TET2: variants seen among roughly 807,000 people sequenced by gnomAD.
The protein encoded by TET2 is tet methylcytosine dioxygenase 2, also known as methylcytosine dioxygenase TET2.
In TET2, 299 loss-of-function variants were observed where a neutral mutation model predicts 142.9. The ratio of observed to expected loss-of-function variants is 2.09; its 90% CI spans 1.90 to 2.30. The LOEUF is 2.30. TET2 is among the 30% of genes most tolerant of loss of function. TET2 has a pLI of 0.00. For missense variants in TET2, 2,418 were observed against 2,378.0 expected (o/e 1.02, Z -0.35); for synonymous variants, 819 against 849.0 (o/e 0.96, Z 0.61).
rs763952927 is a variant in TET2, at chr4:105,236,385, A to T, written c.2443A>T (p.Arg815Ter). The change falls in exon 3 of 11, where the codon AGA becomes TGA. Residue 815 changes from arginine to a stop codon, truncating the protein, a stop_gained. Transcript: ENST00000380013. LOFTEE classifies it high-confidence loss of function. ...GLEEVQNINR[R>*]NSPYSQTMKS... ...GGAGGAAGTACAGAATATAAATCGT[A>T]GAAATTCCCCTTATAGTCAGACCAT... 2 of 1,614,066 alleles carry T rather than the reference A, an allele frequency of 1.2e-6. No homozygotes were observed. Among genetic ancestry groups the T allele is most frequent in the Non-Finnish European group, 8.5e-7 (1 of 1,180,006 alleles).
intron 6 of TET2, among the ~76,000 whole-genome samples, chr4:105,257,462 TAGAC>T (rs1424550763): frequency 6.6e-6 from 1 of 152,180 alleles, no homozygotes; most frequent in African/African-American, 2.4e-5. Flanking sequence ...AGCTAAGGAT[TAGAC>T]AGAATTCCTT....
At position 105,275,068 on chromosome 4, in the gene TET2, C is replaced by G. The variant is rs1490245533; in HGVS notation, c.4558C>G (p.Pro1520Ala). 6.5e-6 allele frequency: 10 copies of G among 1,538,916 alleles called. No homozygotes were observed. Among genetic ancestry groups the G allele is most frequent in the Non-Finnish European group, 7.9e-6 (9 of 1,141,528 alleles). ...QLAELLRLSG[P>A]VMQQSQQPQP... ...CACAGAACTTTTGCGACTTTCAGGA[C>G]CAGTCATGCAGCAGTCCCAGCAGCC... Residue 1520 changes from proline (P) to alanine (A), a missense_variant, in exon 11 of 11, where the codon CCA becomes GCA. Transcript: ENST00000380013.
intron 6 of TET2, among the ~76,000 whole-genome samples, chr4:105,251,914 G>T (rs1264913210): frequency 2.0e-5 from 3 of 152,284 alleles, no homozygotes; most frequent in Admixed American, 6.5e-5. Flanking sequence ...AAAGCACATT[G>T]AATGAAAGGC....
At chr4:105,164,449 T>C (rs1263343015) in intron 1 of TET2, among the ~76,000 whole-genome samples, 1 of 152,178 alleles carries the variant, frequency 6.6e-6, no homozygotes, top group Non-Finnish European at 1.5e-5. Context: ...GTAACATAAA[T>C]AAAACATCCA....
At chr4:105,223,696 G>T (rs1428687037) in intron 2 of TET2, among the ~76,000 whole-genome samples, 2 of 152,076 alleles carry the variant, frequency 1.3e-5, no homozygotes, top group South Asian at 4.1e-4. Context: ...AATAGTTTTG[G>T]AGAATAATGC....
At chr4:105,215,376 T>A (rs7653959) in intron 2 of TET2, among the ~76,000 whole-genome samples, 150 of 152,310 alleles carry the variant, frequency 9.8e-4, no homozygotes, top group African/African-American at 3.4e-3. Context: ...CATGAAATAA[T>A]GTTCTAGAAA....
chr4:105,178,718 G>C (rs1724949665), intron 1 of TET2, among the ~76,000 whole-genome samples: 1 of 151,996 alleles, frequency 6.6e-6, no homozygotes. Context: ...CAATTTTACT[G>C]TAAAGTTTAT....
In TET2 at chr4:105,272,589, A is replaced by T; in HGVS notation, c.4208A>T (p.Asn1403Ile). ...GTATGCACTCTCACTAGAGAAGACA[A>T]TCGAGAATTTGGAGGAAAACCTGAG... The part of the protein sequence containing the change: ...TLVCTLTRED[N>I]REFGGKPEDE... Residue 1403 changes from asparagine (N) to isoleucine (I), a missense_variant, in exon 10 of 11, where the codon AAT (asparagine) becomes ATT (isoleucine). Coordinates refer to ENST00000380013, the MANE Select transcript of TET2 (RefSeq NM_001127208.3). 1 of 1,544,150 alleles carries T rather than the reference A, an allele frequency of 6.5e-7. No individual in the cohort carries two copies. Among genetic ancestry groups the T allele is most frequent in the Non-Finnish European group, 8.7e-7 (1 of 1,143,968 alleles).
intron 1 of TET2, among the ~76,000 whole-genome samples, chr4:105,166,755 T>C (rs911272205): frequency 6.6e-6 from 1 of 152,114 alleles, no homozygotes; most frequent in South Asian, 2.1e-4. Flanking sequence ...CTCTCAGAGC[T>C]TGGGAAACAT....
At chr4:105,156,191 A>G (rs1180014016) in intron 1 of TET2, among the ~76,000 whole-genome samples, 1 of 152,196 alleles carries the variant, frequency 6.6e-6, no homozygotes, top group Non-Finnish European at 1.5e-5. Flanking sequence ...CTGTTCTCGC[A>G]TATTAGGAAC....
At chr4:105,207,237 T>A (rs1390144060) in intron 2 of TET2, among the ~76,000 whole-genome samples, 1 of 152,178 alleles carries the variant, frequency 6.6e-6, no homozygotes, top group African/African-American at 2.4e-5. Flanking sequence ...AGATTTACTA[T>A]CTTGTGAGTT....
chr4:105,243,590 TGAAGA>T lies in TET2; in HGVS notation c.3620_3624del (p.Glu1207AlafsTer14). ...CGCAGGTGGTTCGCAGAAGCAGCAG[TGAAGA>T]GAAGCTACTGTGTTTGGTGCGGGAG... On this transcript the variant is annotated frameshift_variant, in exon 6 of 11. Coordinates refer to ENST00000380013, the MANE Select transcript of TET2 (RefSeq NM_001127208.3). LOFTEE classifies it high-confidence loss of function. The T allele has an allele frequency of 6.4e-7, 1 of 1,551,524 alleles. No individual in the cohort carries two copies. Among genetic ancestry groups the T allele is most frequent in the Non-Finnish European group, 8.7e-7 (1 of 1,146,930 alleles).
intron 6 of TET2, among the ~76,000 whole-genome samples, chr4:105,250,989 C>T (rs1344996864): frequency 6.6e-6 from 1 of 152,118 alleles, no homozygotes; most frequent in Non-Finnish European, 1.5e-5. Context: ...GCCTGTACTT[C>T]TGTTAAAATT....
intron 2 of TET2, among the ~76,000 whole-genome samples, chr4:105,213,977 G>T (rs1244952452): frequency 2.0e-5 from 3 of 152,022 alleles, no homozygotes; most frequent in Non-Finnish European, 4.4e-5. Context: ...TCCTGTCTCA[G>T]ACTCCCGAGT....
chr4:105,214,357 AGTGCAGTG>A (rs1182812008), intron 2 of TET2, among the ~76,000 whole-genome samples: 1 of 122,294 alleles, frequency 8.2e-6, no homozygotes, highest in African/African-American at 3.2e-5. Context: ...CCCAGGCTGG[AGTGCAGTG>A]GTGTGATCAT....
chr4:105,250,843 C>T (rs535570311), intron 6 of TET2, among the ~76,000 whole-genome samples: 1 of 151,940 alleles, frequency 6.6e-6, no homozygotes, highest in East Asian at 1.9e-4. Context: ...CCATGCCTGG[C>T]TAATTGTTTT....
rs1486803971 is a variant in TET2 at position 105,236,865 on chromosome 4, A to G, written c.2923A>G (p.Ser975Gly). The G allele has an allele frequency of 1.2e-6, 2 of 1,614,038 alleles. No individual in the cohort carries two copies. The change falls in exon 3 of 11, where the codon AGT becomes GGT. Residue 975 changes from serine (S) to glycine (G), a missense_variant. Ser to Gly is a moderately conservative substitution (Grantham distance 56). Coordinates refer to ENST00000380013, the MANE Select transcript of TET2 (RefSeq NM_001127208.3). ...GCAACCCCAAACTGAGTCTTGCCAT[A>G]GTCAGATGCACAGGCCAATTAAGGT... Reference protein sequence around the residue: ...TQQPQTESCHSQMHRPIKVEP... With the variant: ...TQQPQTESCHGQMHRPIKVEP...
chr4:105,249,988 G>A (rs1290181780), intron 6 of TET2, among the ~76,000 whole-genome samples: 3 of 152,144 alleles, frequency 2.0e-5, no homozygotes, highest in Admixed American at 6.5e-5. Context: ...TTCAAGATCT[G>A]AAAGATTTAC....
chr4:105,148,693 A>C (rs926436120), intron 1 of TET2, among the ~76,000 whole-genome samples: 5 of 152,218 alleles, frequency 3.3e-5, no homozygotes. Context: ...GTGCTTAATA[A>C]TGTTTGGAAT....
Sources: allele counts gnomAD v4.1 joint callset (sites outside exome capture counted in the v4.1 genomes callset), GRCh38; gene constraint gnomAD v4.1.1; transcripts MANE v1.5; gene names NCBI Gene and HGNC (gene_info 2026-07-23, HGNC 2026-07-21).